The following FHIT variants were observed in gnomAD, a reference collection of about 807,000 sequenced individuals.
FHIT encodes the protein fragile histidine triad diadenosine triphosphatase.
Under a neutral mutation model 17.9 loss-of-function variants are expected in FHIT, and 19 were observed. The ratio of observed to expected loss-of-function variants is 1.06; its 90% confidence interval spans 0.74 to 1.56. The LOEUF is 1.56. Ranked by LOEUF, FHIT falls within the 40% of genes most tolerant of loss-of-function variation. FHIT has a pLI of 0.00. For missense variants in FHIT, 248 were observed against 189.2 expected, an observed-to-expected ratio of 1.31 and a Z score of -1.82; for synonymous variants, 81 against 69.7, an observed-to-expected ratio of 1.16 and a Z score of -0.81.
chr3:59,952,793 G>A (rs559062723), intron 7 of FHIT, among the ~76,000 whole-genome samples: 1 of 152,256 alleles, frequency 6.6e-6, no homozygotes, highest in South Asian at 2.1e-4. Flanking sequence ...AGGATTTGGA[G>A]GGCTAGAGGG....
chr3:60,276,897 T>C (rs544875019), intron 5 of FHIT, among the ~76,000 whole-genome samples: 1 of 152,168 alleles, frequency 6.6e-6, no homozygotes, highest in Admixed American at 6.5e-5. Flanking sequence ...AACTCACTCA[T>C]TACTGCAAGG....
intron 3 of FHIT, among the ~76,000 whole-genome samples, chr3:60,849,297 C>T (rs1703046978): frequency 6.6e-6 from 1 of 151,674 alleles, no homozygotes. Context: ...CTTCCGTGTA[C>T]CAACGTAGAT....
At chr3:59,885,648 ATGC>A (rs1703592566) in intron 8 of FHIT, among the ~76,000 whole-genome samples, 1 of 152,258 alleles carries the variant, frequency 6.6e-6, no homozygotes, top group African/African-American at 2.4e-5. Flanking sequence ...GCTACTTTGA[ATGC>A]TGCTTTTTTT....
intron 2 of FHIT, among the ~76,000 whole-genome samples, chr3:61,060,938 AATG>A (rs2034406155): frequency 6.6e-6 from 1 of 152,062 alleles, no homozygotes; most frequent in African/African-American, 2.4e-5. Context: ...TTCTCTACCA[AATG>A]ATTGTTTTTG....
intron 5 of FHIT, among the ~76,000 whole-genome samples, chr3:60,495,390 A>G (rs992688419): frequency 2.6e-5 from 4 of 151,420 alleles, no homozygotes; most frequent in African/African-American, 9.7e-5. Flanking sequence ...ACTGTTTTCT[A>G]TTTTTCTTTT....
intron 7 of FHIT, among the ~76,000 whole-genome samples, chr3:59,942,054 G>T (rs1706547452): frequency 6.6e-6 from 1 of 152,106 alleles, no homozygotes; most frequent in African/African-American, 2.4e-5. Flanking sequence ...ACGATCTATA[G>T]TAACCCAAAG....
chr3:60,548,022 GATTC>G (rs2036425223), intron 4 of FHIT, among the ~76,000 whole-genome samples: 1 of 152,090 alleles, frequency 6.6e-6, no homozygotes, highest in Non-Finnish European at 1.5e-5. Flanking sequence ...TGCCAAAAGA[GATTC>G]ACATTTGAGT....
intron 5 of FHIT, among the ~76,000 whole-genome samples, chr3:60,313,500 T>C (rs982252499): frequency 1.3e-5 from 2 of 152,148 alleles, no homozygotes; most frequent in African/African-American, 4.8e-5. Context: ...ATAACTTAGA[T>C]TTCATGTGGT....
intron 5 of FHIT, among the ~76,000 whole-genome samples, chr3:60,446,661 G>T (rs1366006906): frequency 6.6e-6 from 1 of 151,962 alleles, no homozygotes; most frequent in Non-Finnish European, 1.5e-5. Context: ...AGACCAGTCT[G>T]GTCAACATAG....
chr3:61,058,622 G>A (rs890504956), intron 2 of FHIT, among the ~76,000 whole-genome samples: 5 of 152,084 alleles, frequency 3.3e-5, no homozygotes, highest in African/African-American at 4.8e-5. Flanking sequence ...CATGTAAGAG[G>A]TGCCTCCTTC....
Position 60,055,218 on chromosome 3 carries a change from G to A in FHIT, c.104-41066C>T, listed in dbSNP as rs552721037. The stretch of plus-strand genomic sequence containing the variant: ...CTGAGATGCTCCAAAACACCACTGG[G>A]GTTCTTCAGGAGGGATTTCATTGTC... On this transcript the variant is annotated intron_variant, in intron 5 of 9. Coordinates refer to ENST00000492590, the MANE Select transcript of FHIT (RefSeq NM_002012.4). Among the ~76,000 whole-genome samples, 155 of 152,150 alleles carry A rather than the reference G, an allele frequency of 1.0e-3. 1 individual carries two copies. The highest frequency in any genetic ancestry group is 3.3e-3 in the African/African-American group (138 of 41,498).
intron 4 of FHIT, among the ~76,000 whole-genome samples, chr3:60,754,997 T>C (rs1295963363): frequency 6.6e-6 from 1 of 152,228 alleles, no homozygotes; most frequent in African/African-American, 2.4e-5. Flanking sequence ...GGAAATCATC[T>C]GCATCCTTCA....
intron 4 of FHIT, among the ~76,000 whole-genome samples, chr3:60,714,233 A>C (rs140366756): frequency 6.6e-6 from 1 of 152,100 alleles, no homozygotes; most frequent in South Asian, 2.1e-4. Flanking sequence ...AAATTCAACA[A>C]CCCTTCATGC....
chr3:60,477,903 G>C (rs2033426106), intron 5 of FHIT, among the ~76,000 whole-genome samples: 1 of 152,126 alleles, frequency 6.6e-6, no homozygotes, highest in African/African-American at 2.4e-5. Context: ...CGAATGAAAG[G>C]TGAATTATCT....
At chr3:60,854,775 T>C (rs370941409) in intron 3 of FHIT, among the ~76,000 whole-genome samples, 3 of 152,066 alleles carry the variant, frequency 2.0e-5, no homozygotes, top group African/African-American at 7.2e-5. Flanking sequence ...CACAAATGGG[T>C]CATACAGTCT....
At chr3:60,306,811 A>C (rs1336470064) in intron 5 of FHIT, among the ~76,000 whole-genome samples, 2 of 152,186 alleles carry the variant, frequency 1.3e-5, no homozygotes, top group Non-Finnish European at 2.9e-5. Context: ...GGCATGTTTA[A>C]AAATACACTT....
chr3:60,966,152 C>T (rs1326480671), intron 3 of FHIT, among the ~76,000 whole-genome samples: 4 of 152,210 alleles, frequency 2.6e-5, no homozygotes, highest in African/African-American at 9.6e-5. Context: ...ACACCCCTCC[C>T]CCAGCCTCAC....
At chr3:60,671,416 C>G (rs1553693814) in intron 4 of FHIT, among the ~76,000 whole-genome samples, 1 of 151,922 alleles carries the variant, frequency 6.6e-6, no homozygotes, top group Non-Finnish European at 1.5e-5. Flanking sequence ...ATCACTGCAG[C>G]TGATGAATTG....
At chr3:60,952,142 A>G (rs1708912220) in intron 3 of FHIT, among the ~76,000 whole-genome samples, 1 of 150,906 alleles carries the variant, frequency 6.6e-6, no homozygotes, top group Non-Finnish European at 1.5e-5. Flanking sequence ...CCAGCCTGGG[A>G]GACAAGAGCA....
Sources: allele counts gnomAD v4.1 joint callset (sites outside exome capture counted in the v4.1 genomes callset), GRCh38; gene constraint gnomAD v4.1.1; transcripts MANE v1.5; gene names NCBI Gene and HGNC (gene_info 2026-07-23, HGNC 2026-07-21).